The following FARS2 variants were observed in gnomAD, a reference collection of about 807,000 sequenced individuals.
FARS2 encodes phenylalanine--tRNA ligase, mitochondrial.
A neutral mutation model predicts 46.4 loss-of-function variants in FARS2; 40 were observed. The observed-to-expected ratio is 0.86, with a 90% CI of 0.67 to 1.12. The LOEUF is 1.12. FARS2 is among the 50% of genes most tolerant of loss of function. The pLI is 0.00. For missense variants in FARS2, 513 were observed against 567.9 expected, an observed-to-expected ratio of 0.90 and a Z score of 0.98; for synonymous variants, 234 against 214.9, an observed-to-expected ratio of 1.09 and a Z score of -0.78.
chr6:5,364,740 A>G (rs1330135415), intron 1 of FARS2, among the ~76,000 whole-genome samples: 1 of 152,224 alleles, frequency 6.6e-6, no homozygotes, highest in Non-Finnish European at 1.5e-5. Context: ...TATTTGTAAA[A>G]ACAGACTATG....
At chr6:5,730,290 AATTG>A (rs1238432325) in intron 6 of FARS2, among the ~76,000 whole-genome samples, 25 of 152,338 alleles carry the variant, frequency 1.6e-4, no homozygotes, top group African/African-American at 5.8e-4. Flanking sequence ...GAGAGAGCGC[AATTG>A]ATTGATTGAG....
intron 3 of FARS2, among the ~76,000 whole-genome samples, chr6:5,416,935 A>G (rs1476366751): frequency 6.6e-6 from 1 of 152,290 alleles, no homozygotes; most frequent in East Asian, 1.9e-4. Context: ...TATGTATACT[A>G]TCAACTCCTA....
chr6:5,475,140 A>G (rs1466962627), intron 4 of FARS2, among the ~76,000 whole-genome samples: 4 of 152,168 alleles, frequency 2.6e-5, no homozygotes, highest in Non-Finnish European at 5.9e-5. Flanking sequence ...AGGAGAAATG[A>G]CTTCTCCGTG....
At chr6:5,488,426 T>C (rs1766905294) in intron 4 of FARS2, among the ~76,000 whole-genome samples, 2 of 152,244 alleles carry the variant, frequency 1.3e-5, no homozygotes, top group African/African-American at 4.8e-5. Context: ...TAAATATTTC[T>C]AATCTAATGT....
In FARS2 at chr6:5,688,916, T is replaced by A. The variant is rs528853267; in HGVS notation, c.1217+75596T>A. On this transcript the variant is annotated intron_variant, in intron 6 of 6. Transcript: ENST00000274680. ...TCTATTCAGAGATTCAACTTCTTCCTGGTTTAGTCTTGGGAGGGTGTATGT... is the reference window on the plus strand; with the variant it reads ...TCTATTCAGAGATTCAACTTCTTCCAGGTTTAGTCTTGGGAGGGTGTATGT... 9.8e-5 allele frequency among the ~76,000 whole-genome samples: 15 copies of A among 152,348 alleles called. No homozygotes were observed. In the South Asian group the frequency reaches 3.1e-3, roughly 32 times the overall value.
In FARS2 at chr6:5,558,599, T is replaced by C. The variant is rs575512139; in HGVS notation, c.1065+13259T>C. On this transcript the variant is annotated intron_variant, in intron 5 of 6. Coordinates refer to ENST00000274680, the MANE Select transcript of FARS2 (RefSeq NM_006567.5). ...TCCCCCAGGCTCGAGTGCAGTGGCA[T>C]GATCTCGGCTCACTGCAAACTCTGC... Among the ~76,000 whole-genome samples the C allele has an allele frequency of 1.1e-4, 17 of 152,216 alleles. No homozygotes were observed. The South Asian group carries it at 3.3e-3, about 30-fold the overall frequency.
At chr6:5,682,121 A>G (rs1157190205) in intron 6 of FARS2, among the ~76,000 whole-genome samples, 1 of 152,224 alleles carries the variant, frequency 6.6e-6, no homozygotes, top group Non-Finnish European at 1.5e-5. Flanking sequence ...GGAGGAGACT[A>G]CAAAAAGCAA....
intron 6 of FARS2, among the ~76,000 whole-genome samples, chr6:5,666,691 A>G (rs943918956): frequency 2.0e-5 from 3 of 152,224 alleles, no homozygotes; most frequent in Admixed American, 6.5e-5. Flanking sequence ...TAAAAACAGA[A>G]CTAACATTTG....
At position 5,412,580 on chromosome 6, in the gene FARS2, G is replaced by A. The variant is rs114956739; in HGVS notation, c.772+7879G>A. 2.1e-3 allele frequency among the ~76,000 whole-genome samples: 321 copies of A among 152,280 alleles called. 1 individual carries two copies. The highest frequency in any genetic ancestry group is 7.4e-3 in the African/African-American group (308 of 41,558). On this transcript the variant is annotated intron_variant, in intron 3 of 6. Transcript: ENST00000274680. ...GAAATCACTTGATCATGTGTAATAA[G>A]GAATCACGTCTTCCATACCTTTTCA...
At chr6:5,609,468 G>T in intron 5 of FARS2, 4 of 1,218,486 alleles carry the variant, frequency 3.3e-6, no homozygotes, top group East Asian at 2.3e-5. Context: ...ATAGCCATCC[G>T]CCCTGCCACC....
intron 6 of FARS2, among the ~76,000 whole-genome samples, chr6:5,613,740 T>C (rs1775314843): frequency 6.6e-6 from 1 of 152,212 alleles, no homozygotes; most frequent in Non-Finnish European, 1.5e-5. Flanking sequence ...GTCCTAGGAA[T>C]TAAATGTGTT....
chr6:5,267,186 T>C (rs931165601), intron 1 of FARS2, among the ~76,000 whole-genome samples: 14 of 152,120 alleles, frequency 9.2e-5, no homozygotes, highest in African/African-American at 2.9e-4. Context: ...TTAATTCTTT[T>C]CATTGTAAAG....
intron 1 of FARS2, among the ~76,000 whole-genome samples, chr6:5,283,587 C>G (rs1766907402): frequency 6.6e-6 from 1 of 150,950 alleles, no homozygotes; most frequent in Non-Finnish European, 1.5e-5. Context: ...TAAATACATA[C>G]AGGATGAAAA....
intron 6 of FARS2, among the ~76,000 whole-genome samples, chr6:5,679,882 AC>A (rs1222321879): frequency 6.9e-6 from 1 of 145,616 alleles, no homozygotes; most frequent in Non-Finnish European, 1.5e-5. Context: ...TTCCTTCATA[AC>A]AACACCCTAG....
chr6:5,710,623 C>G (rs1186027431), intron 6 of FARS2, among the ~76,000 whole-genome samples: 1 of 152,154 alleles, frequency 6.6e-6, no homozygotes, highest in Non-Finnish European at 1.5e-5. Context: ...AGGAGTCTCT[C>G]AATTCACAAG....
chr6:5,656,026 G>A (rs1395424533), intron 6 of FARS2, among the ~76,000 whole-genome samples: 1 of 152,152 alleles, frequency 6.6e-6, no homozygotes, highest in African/African-American at 2.4e-5. Flanking sequence ...CTGAAAACTG[G>A]ACTTGAACTC....
intron 4 of FARS2, among the ~76,000 whole-genome samples, chr6:5,520,083 A>G (rs913996642): frequency 1.3e-5 from 2 of 152,044 alleles, no homozygotes; most frequent in Non-Finnish European, 1.5e-5. Context: ...GGACAATAGT[A>G]CCCTCTCTTG....
intron 1 of FARS2, among the ~76,000 whole-genome samples, chr6:5,319,833 C>T (rs12201433): frequency 0.19 from 28,816 of 152,072 alleles, 3,206 homozygotes; most frequent in East Asian, 0.48. Flanking sequence ...TGGGAAATTC[C>T]TAAGCAGGAA....
intron 3 of FARS2, among the ~76,000 whole-genome samples, chr6:5,422,748 A>G (rs1038516851): frequency 1.3e-5 from 2 of 152,240 alleles, no homozygotes; most frequent in Non-Finnish European, 2.9e-5. Flanking sequence ...GTAAATGAAC[A>G]GTAAATGTCA....
Sources: gnomAD v4.1 joint callset for allele counts (sites outside exome capture counted in the v4.1 genomes callset) on GRCh38, gnomAD v4.1.1 for gene constraint, MANE v1.5 for transcripts, NCBI Gene and HGNC (gene_info 2026-07-23, HGNC 2026-07-21) for gene names.